The following BRWD1 variants were observed in gnomAD, a reference collection of about 807,000 sequenced individuals.
The protein encoded by BRWD1 is bromodomain and WD repeat domain containing 1.
BRWD1 carries 82 observed loss-of-function variants against 251.2 expected under a neutral mutation model. The ratio of observed to expected loss-of-function variants is 0.33; its 90% CI spans 0.27 to 0.39. BRWD1 has a LOEUF of 0.39. BRWD1 is among the 10% of genes least tolerant of loss of function. The pLI is 1.00. For missense variants in BRWD1, 2,233 were observed against 2,711.6 expected, an observed-to-expected ratio of 0.82 and a Z score of 3.92; for synonymous variants, 918 against 902.8, an observed-to-expected ratio of 1.02 and a Z score of -0.30.
intron 15 of BRWD1, among the ~76,000 whole-genome samples, chr21:39,267,473 C>T (rs1004134067): frequency 2.0e-5 from 3 of 152,092 alleles, no homozygotes; most frequent in Non-Finnish European, 2.9e-5. Flanking sequence ...GTGGCAGGCG[C>T]GTGTAATCCC....
chr21:39,184,469 T>TG (rs1227271890), downstream of BRWD1: 1 of 152,166 alleles, frequency 6.6e-6, no homozygotes, highest in Non-Finnish European at 1.5e-5. Flanking sequence ...TATGCAGTAA[T>TG]GCAATGAAAA....
At position 39,239,174 on chromosome 21, in the gene BRWD1, T is replaced by G. The variant is rs139064881; in HGVS notation, c.2482-601A>C. On this transcript the variant is annotated intron_variant, in intron 21 of 40. Coordinates refer to ENST00000342449, the MANE Select transcript of BRWD1 (RefSeq NM_033656.4). ...TTAATAGTGTCTTTCCCAAAGCAGT[T>G]TTCATTTCAGTGTAGTCCAAATTTT... 4.6e-3 allele frequency among the ~76,000 whole-genome samples: 707 copies of G among 152,304 alleles called. 11 individuals carry two copies. The highest frequency in any genetic ancestry group is 0.017 in the African/African-American group (688 of 41,574).
At chr21:39,238,387 C>G (rs2033883652) in intron 22 of BRWD1, 92 bp downstream of exon 22, 1 of 1,025,300 alleles carries the variant, frequency 9.8e-7, no homozygotes, top group Non-Finnish European at 1.5e-6. Context: ...TCCACAGTTG[C>G]AAATTCTTGC....
At position 39,192,240 on chromosome 21, in the gene BRWD1, G is replaced by A; in HGVS notation, c.*4019C>T. 2 of 966,854 alleles carry A rather than the reference G, an allele frequency of 2.1e-6. No homozygotes were observed. The highest frequency in any genetic ancestry group is 2.4e-6 in the Non-Finnish European group (2 of 823,796). The allele number at this position is 966,854 out of a possible 1,614,324, so 59.9% of individuals were successfully genotyped here. ...TAAAATCGTAAGAAAAGACAACACA[G>A]CCCTTAGCATTACATACTTTACTTT... On this transcript the variant is annotated 3_prime_UTR_variant, in exon 41 of 41. Transcript: ENST00000342449.
intron 19 of BRWD1, among the ~76,000 whole-genome samples, chr21:39,254,564 G>A (rs1402120373): frequency 6.6e-6 from 1 of 152,102 alleles, no homozygotes; most frequent in Non-Finnish European, 1.5e-5. Context: ...ATAATGAAAA[G>A]GAATAAATCT....
chr21:39,281,901 T>G (rs1287564253), intron 8 of BRWD1, among the ~76,000 whole-genome samples: 2 of 132,416 alleles, frequency 1.5e-5, no homozygotes, highest in Non-Finnish European at 3.4e-5. Context: ...TATGTATGTA[T>G]GTATACATGT....
chr21:39,301,867 A>C (rs767603617), intron 4 of BRWD1, among the ~76,000 whole-genome samples: 1 of 148,978 alleles, frequency 6.7e-6, no homozygotes, highest in Admixed American at 6.7e-5. Flanking sequence ...GGAAGGCATA[A>C]GGCAGTAGAA....
Position 39,263,935 on chromosome 21 carries a change from A to G in BRWD1, c.1885+525T>C, listed in dbSNP as rs112082565. ...TTATGTTGTATTCTGTCAAAAATGCATAACCGGAACCTAATCAAGAAGTAG... is the reference window on the plus strand; with the variant it reads ...TTATGTTGTATTCTGTCAAAAATGCGTAACCGGAACCTAATCAAGAAGTAG... On this transcript the variant is annotated intron_variant, in intron 17 of 40. Coordinates refer to ENST00000342449, the MANE Select transcript of BRWD1 (RefSeq NM_033656.4). Among the ~76,000 whole-genome samples, 26 of 152,328 alleles carry G rather than the reference A, an allele frequency of 1.7e-4. 2 individuals carry two copies. The highest frequency in any genetic ancestry group is 6.3e-4 in the African/African-American group (26 of 41,568).
chr21:39,295,641 ATC>A, intron 7 of BRWD1, 100 bp downstream of exon 7: 1 of 989,836 alleles, frequency 1.0e-6, no homozygotes, highest in Non-Finnish European at 1.4e-6. Flanking sequence ...CTGAGTCAAA[ATC>A]TCTGAGGATG....
chr21:39,208,728 C>T (rs1018108817), intron 36 of BRWD1, among the ~76,000 whole-genome samples: 41 of 151,956 alleles, frequency 2.7e-4, no homozygotes, highest in African/African-American at 9.7e-4. Context: ...AGCGCCAACA[C>T]GGGCTAATTT....
intron 31 of BRWD1, among the ~76,000 whole-genome samples, chr21:39,217,756 T>C (rs2033014371): frequency 6.6e-6 from 1 of 152,212 alleles, no homozygotes; most frequent in African/African-American, 2.4e-5. Context: ...TTCTGCACCT[T>C]GGTTACCTGA....
At chr21:39,185,295 T>TAAAAAAAAAAAAAAAAAAAAAA (rs10525862), downstream of BRWD1, 59 of 71,818 alleles carry the variant, frequency 8.2e-4, 2 homozygotes, top group Non-Finnish European at 1.3e-3. Flanking sequence ...CTGAAATTGC[T>TAAAAAAAAAAAAAAAAAAAAAA]AAAAAAAAAA....
chr21:39,205,432 A>G (rs941381674), intron 37 of BRWD1, among the ~76,000 whole-genome samples: 3 of 152,172 alleles, frequency 2.0e-5, no homozygotes, highest in South Asian at 2.1e-4. Flanking sequence ...GGTCATGATC[A>G]TATCACTAGA....
At position 39,197,302 on chromosome 21, in the gene BRWD1, C is replaced by G; in HGVS notation, c.5767G>C (p.Gly1923Arg). The G allele has an allele frequency of 1.2e-6, 2 of 1,613,998 alleles. No individual in the cohort carries two copies. Among genetic ancestry groups the G allele is most frequent in the South Asian group, 2.2e-5 (2 of 91,074 alleles). Reference protein sequence around the residue: ...VVKKSSKARTGLLRITRRCAA... With the variant: ...VVKKSSKARTRLLRITRRCAA... ...CATCTTCGAGTAATCCTCAGGAGAC[C>G]TGTTCTGGCTTTTGATGATTTCTTA... Residue 1923 changes from glycine (G) to arginine (R), a missense_variant, in exon 41 of 41, where the codon GGT becomes CGT. Physicochemically the swap from Gly to Arg is moderately radical, Grantham distance 125. Around this residue, in one of 12 missense-constraint regions of BRWD1, gnomAD observed 928 missense variants for 970.0 expected, o/e 0.96. Transcript: ENST00000342449.
At chr21:39,210,300 A>G (rs1052816914) in intron 35 of BRWD1, among the ~76,000 whole-genome samples, 153 bp from the exon 36 acceptor site, 3 of 152,218 alleles carry the variant, frequency 2.0e-5, no homozygotes, top group African/African-American at 7.2e-5. Context: ...AAGAGGTATA[A>G]AAACAAAGAA....
chr21:39,302,395 T>C (rs1842584849), intron 4 of BRWD1, among the ~76,000 whole-genome samples: 3 of 152,146 alleles, frequency 2.0e-5, no homozygotes, highest in Non-Finnish European at 4.4e-5. Flanking sequence ...AAAAGATGTA[T>C]AGGTAGGTAA....
chr21:39,301,379 C>T (rs187146479), intron 4 of BRWD1, among the ~76,000 whole-genome samples: 26 of 152,254 alleles, frequency 1.7e-4, no homozygotes, highest in African/African-American at 6.0e-4. Context: ...ACTCTACTGC[C>T]TCGTCAGCTT....
chr21:39,307,278 G>C (rs2036317669), intron 4 of BRWD1, among the ~76,000 whole-genome samples: 1 of 152,124 alleles, frequency 6.6e-6, no homozygotes, highest in African/African-American at 2.4e-5. Flanking sequence ...GGTTAACTTA[G>C]ACAAACCTAA....
In BRWD1 at chr21:39,195,261, C is replaced by T. The variant is rs1257811181; in HGVS notation, c.*998G>A. The T allele has an allele frequency of 2.0e-6, 2 of 1,013,216 alleles. No individual in the cohort carries two copies. Among genetic ancestry groups the T allele is most frequent in the Non-Finnish European group, 1.2e-6 (1 of 847,870 alleles). 62.8% of individuals were successfully genotyped at this position (1,013,216 alleles called of 1,614,324 possible). A position where few individuals can be genotyped will look rare whatever the true frequency, so the allele number is the denominator to read the frequency against. On this transcript the variant is annotated 3_prime_UTR_variant, in exon 41 of 41. Transcript: ENST00000342449. ...TATTTTCCTATATAGATAAGATTTG[C>T]AATTGTACTCTTAACAAAACTCACC...
Sources: gnomAD v4.1 joint callset for allele counts (sites outside exome capture counted in the v4.1 genomes callset) on GRCh38, gnomAD v4.1.1 for gene constraint, gnomAD v4.1.1 regional missense constraint, MANE v1.5 for transcripts, NCBI Gene and HGNC (gene_info 2026-07-23, HGNC 2026-07-21) for gene names.